Variants in TSKS observed in about 807,000 individuals in gnomAD.
TSKS encodes testis specific serine kinase substrate, also known as testis-specific serine kinase substrate.
A neutral mutation model predicts 68.0 loss-of-function variants in TSKS; 27 were observed. The ratio of observed to expected loss-of-function variants is 0.40; its 90% confidence interval spans 0.29 to 0.55. The LOEUF is 0.55. TSKS is among the 20% of genes least tolerant of loss of function. The pLI is 0.53. For synonymous variants in TSKS, 331 were observed against 340.4 expected (o/e 0.97, Z 0.30); for missense variants, 806 against 776.0 (o/e 1.04, Z -0.46).
In TSKS at chr19:49,757,691, C is replaced by T. The variant is rs531155838; in HGVS notation, c.399+4313G>A. Among the ~76,000 whole-genome samples the T allele has an allele frequency of 6.6e-5, 10 of 152,262 alleles. No homozygotes were observed. The East Asian group carries it at 1.7e-3, about 26-fold the overall frequency. ...TCTCAACCAGGGTCTCCATCACCGC[C>T]TGGTTCTCTGTCCCCCTCTTTCCAG... On this transcript the variant is annotated intron_variant, in intron 2 of 10. Coordinates refer to ENST00000246801, the MANE Select transcript of TSKS (RefSeq NM_021733.2).
intron 2 of TSKS, 119 bp from the exon 3 acceptor site, chr19:49,748,588 T>C (rs940596713): frequency 2.2e-6 from 2 of 924,086 alleles, no homozygotes; most frequent in African/African-American, 1.6e-5. Flanking sequence ...GGAATGGCTA[T>C]GTGACTTGGA....
Position 49,751,772 on chromosome 19 carries a change from G to C in TSKS, c.400-3303C>G, listed in dbSNP as rs73588469. ...TCCTCTCCAAATCTCATGTTAAAAT[G>C]TCATCCCTTGCCAGGCACAGTGGCT... On this transcript the variant is annotated intron_variant, in intron 2 of 10. Coordinates refer to ENST00000246801, the MANE Select transcript of TSKS (RefSeq NM_021733.2). Among the ~76,000 whole-genome samples the C allele has an allele frequency of 9.8e-3, 1,489 of 151,798 alleles. 28 individuals are homozygous for C. The highest frequency in any genetic ancestry group is 0.034 in the African/African-American group (1,386 of 41,340).
At position 49,746,541 on chromosome 19, in the gene TSKS, AGG is replaced by A; in HGVS notation, c.919_920del (p.Pro307SerfsTer85). On this transcript the variant is annotated frameshift_variant, in exon 6 of 11. Coordinates refer to ENST00000246801, the MANE Select transcript of TSKS (RefSeq NM_021733.2). LOFTEE classifies it high-confidence loss of function. ...GLVPAGWGMG[P>X]RAGEGPYVSE... Reference sequence around the variant, plus strand: ...TCACGTAGGGGCCCTCGCCAGCCCGAGGCCCCATTCCCCAGCCTGCGGGGACC... The same window carrying A: ...TCACGTAGGGGCCCTCGCCAGCCCGACCCCATTCCCCAGCCTGCGGGGACC... 6.2e-7 allele frequency: 1 copy of A among 1,613,612 alleles called. No individual in the cohort carries two copies. Among genetic ancestry groups the A allele is most frequent in the Non-Finnish European group, 8.5e-7 (1 of 1,179,890 alleles).
At position 49,760,005 on chromosome 19, in the gene TSKS, T is replaced by A. The variant is rs868027730; in HGVS notation, c.399+1999A>T. ...CCATCTCTACTAAAAATACAAAAAT[T>A]AGTCAGGTGTGGTGGCGCTCTTGTA... On this transcript the variant is annotated intron_variant, in intron 2 of 10. Transcript: ENST00000246801. 7.3e-5 allele frequency among the ~76,000 whole-genome samples: 11 copies of A among 150,738 alleles called. 1 individual carries two copies. In the South Asian group the frequency reaches 1.9e-3, roughly 26 times the overall value.
intron 2 of TSKS, among the ~76,000 whole-genome samples, chr19:49,748,780 TTGGGGGCC>T (rs1411186236): frequency 2.0e-5 from 3 of 152,020 alleles, no homozygotes; most frequent in African/African-American, 7.2e-5. Flanking sequence ...CTAAATGTCC[TTGGGGGCC>T]AGGTGCCGTG....
chr19:49,741,844 G>T, intron 9 of TSKS, 41 bp downstream of exon 9: 1 of 1,613,196 alleles, frequency 6.2e-7, no homozygotes, highest in Non-Finnish European at 8.5e-7. Context: ...TGCCCCAACA[G>T]AAAAGTAAAG....
At chr19:49,758,501 CTG>C in intron 2 of TSKS, among the ~76,000 whole-genome samples, 1 of 152,306 alleles carries the variant, frequency 6.6e-6, no homozygotes, top group East Asian at 1.9e-4. Context: ...AGAAATAGCT[CTG>C]GTGGGAGGCA....
chr19:49,745,376 G>T lies in TSKS; in HGVS notation c.1013C>A (p.Thr338Asn). 6.3e-7 allele frequency: 1 copy of T among 1,575,884 alleles called. No homozygotes were observed. The highest frequency in any genetic ancestry group is 1.1e-5 in the South Asian group (1 of 87,890). The change falls in exon 7 of 11, where the codon ACC becomes AAC. Residue 338 changes from threonine to asparagine, a missense_variant. Coordinates refer to ENST00000246801, the MANE Select transcript of TSKS (RefSeq NM_021733.2). ...EELRREVSSLTARWHQEEGAV... is the reference protein window; with the variant it reads ...EELRREVSSLNARWHQEEGAV... ...CCCCTCCTCCTGATGCCACCGGGCG[G>T]TCAGTGAGGACACCTCTCTCCTGGA...
chr19:49,740,872 G>A (rs988267575), intron 9 of TSKS, among the ~76,000 whole-genome samples: 3 of 131,548 alleles, frequency 2.3e-5, no homozygotes, highest in Non-Finnish European at 3.2e-5. Context: ...GCAACAGAGC[G>A]AGACTCTGTC....
At chr19:49,743,489 A>ATT (rs2084269415) in intron 8 of TSKS, among the ~76,000 whole-genome samples, 1 of 136,796 alleles carries the variant, frequency 7.3e-6, no homozygotes. Flanking sequence ...GTCCAAGTGA[A>ATT]TTTCTTTTTT....
chr19:49,755,581 A>C (rs2084386290), intron 2 of TSKS, among the ~76,000 whole-genome samples: 1 of 152,204 alleles, frequency 6.6e-6, no homozygotes, highest in African/African-American at 2.4e-5. Flanking sequence ...CTGTATTTCC[A>C]GCACTTTGGG....
intron 2 of TSKS, among the ~76,000 whole-genome samples, chr19:49,760,967 A>G (rs2123633457): frequency 6.6e-6 from 1 of 152,064 alleles, no homozygotes; most frequent in East Asian, 1.9e-4. Context: ...ACATGCCTGT[A>G]GTCCCAGCTA....
At chr19:49,755,570 C>T (rs1365254084) in intron 2 of TSKS, among the ~76,000 whole-genome samples, 1 of 152,150 alleles carries the variant, frequency 6.6e-6, no homozygotes, top group African/African-American at 2.4e-5. Context: ...GTGGCTCACA[C>T]CTGTATTTCC....
At chr19:49,749,197 C>T (rs574365615) in intron 2 of TSKS, among the ~76,000 whole-genome samples, 1 of 152,280 alleles carries the variant, frequency 6.6e-6, no homozygotes, top group South Asian at 2.1e-4. Context: ...GCACCAAGCA[C>T]TTGTCTTGTC....
chr19:49,756,383 C>T (rs1385612875), intron 2 of TSKS, among the ~76,000 whole-genome samples: 2 of 151,896 alleles, frequency 1.3e-5, no homozygotes, highest in African/African-American at 2.4e-5. Context: ...TGTTTGAGCC[C>T]AGGAGGTTGA....
intron 2 of TSKS, among the ~76,000 whole-genome samples, chr19:49,756,327 C>T (rs1007474302): frequency 6.6e-6 from 1 of 151,974 alleles, no homozygotes; most frequent in Non-Finnish European, 1.5e-5. Context: ...GGTACAGTGG[C>T]ATGTGCTTGT....
rs1191439505 is a variant in TSKS at position 49,741,981 on chromosome 19, C to G, written c.1401G>C (p.Leu467=). The change falls in exon 9 of 11, where the codon CTG becomes CTC. Residue 467 remains leucine, a synonymous_variant. Coordinates refer to ENST00000246801, the MANE Select transcript of TSKS (RefSeq NM_021733.2). ...CTAGTGAGGTCAGTGCTCGGTCCAG[C>G]AGCTGCTGCAGGGACTCCGTAGACA... is the stretch of plus-strand genomic sequence containing the variant. ...SQLSTESLQQ[L]LDRALTSLVD... The G allele has an allele frequency of 3.7e-6, 6 of 1,614,186 alleles. No homozygotes were observed. Among genetic ancestry groups the G allele is most frequent in the Non-Finnish European group, 5.1e-6 (6 of 1,180,040 alleles).
intron 2 of TSKS, among the ~76,000 whole-genome samples, chr19:49,757,680 T>TC (rs1251365408): frequency 6.6e-6 from 1 of 152,070 alleles, no homozygotes; most frequent in African/African-American, 2.4e-5. Flanking sequence ...AACCAGGGTC[T>TC]CCATCACCGC....
At chr19:49,741,498 T>C (rs2084251921) in intron 9 of TSKS, among the ~76,000 whole-genome samples, 1 of 152,146 alleles carries the variant, frequency 6.6e-6, no homozygotes, top group Non-Finnish European at 1.5e-5. Flanking sequence ...GGGTCTCCTA[T>C]TTTACCTCAA....
Sources: gnomAD v4.1 joint callset for allele counts (sites outside exome capture counted in the v4.1 genomes callset) on GRCh38, gnomAD v4.1.1 for gene constraint, MANE v1.5 for transcripts, NCBI Gene and HGNC (gene_info 2026-07-23, HGNC 2026-07-21) for gene names.